Variants in ME3 observed in about 807,000 individuals in gnomAD.
ME3 encodes the protein NADP-dependent malic enzyme, mitochondrial.
A neutral mutation model predicts 68.9 loss-of-function variants in ME3; 48 were observed. The observed-to-expected ratio is 0.70, with a 90% confidence interval of 0.55 to 0.89. The LOEUF (loss-of-function observed/expected upper bound fraction) is 0.89, where lower values mean the gene tolerates loss of function less well. Ranked by LOEUF, ME3 falls within the 40% of genes least tolerant of loss-of-function variation. The pLI is 0.00. For synonymous variants in ME3, 320 were observed against 318.8 expected (o/e 1.00, Z -0.04); for missense variants, 675 against 797.4 (o/e 0.85, Z 1.85).
chr11:86,512,023 C>T (rs968392629), intron 4 of ME3, among the ~76,000 whole-genome samples: 2 of 152,128 alleles, frequency 1.3e-5, no homozygotes, highest in African/African-American at 4.8e-5. Flanking sequence ...ACCAAATTAT[C>T]CATAAAATCC....
intron 2 of ME3, among the ~76,000 whole-genome samples, chr11:86,605,177 T>C (rs1163977392): frequency 2.0e-5 from 3 of 152,384 alleles, no homozygotes; most frequent in Admixed American, 2.0e-4. Context: ...CATGTATCAG[T>C]ACTTCATTGC....
intron 7 of ME3, among the ~76,000 whole-genome samples, chr11:86,484,293 G>GTGTTTTTTTTTTTTTTTTTTTTTTTT (rs1290775526): frequency 6.6e-6 from 1 of 152,024 alleles, no homozygotes; most frequent in Non-Finnish European, 1.5e-5. Context: ...AATACATTGT[G>GTGTTTTTTTTTTTTTTTTTTTTTTTT]TTTGACTTTG....
intron 2 of ME3, among the ~76,000 whole-genome samples, chr11:86,611,823 C>A (rs1204770706): frequency 6.6e-6 from 1 of 152,102 alleles, no homozygotes; most frequent in Non-Finnish European, 1.5e-5. Context: ...TAATAGCTAC[C>A]ATCTGAAAAA....
intron 2 of ME3, among the ~76,000 whole-genome samples, chr11:86,612,679 T>C (rs1942674095): frequency 1.3e-5 from 2 of 152,264 alleles, no homozygotes; most frequent in Admixed American, 1.3e-4. Flanking sequence ...TTTAGCTTTT[T>C]TTCATATGAT....
chr11:86,545,019 AT>A (rs1956279994), intron 4 of ME3, among the ~76,000 whole-genome samples: 1 of 152,214 alleles, frequency 6.6e-6, no homozygotes, highest in Non-Finnish European at 1.5e-5. Flanking sequence ...CTGGTTCAAC[AT>A]ATGCAAATCA....
At chr11:86,653,951 G>T (rs990291531) in intron 2 of ME3, among the ~76,000 whole-genome samples, 1 of 152,184 alleles carries the variant, frequency 6.6e-6, no homozygotes, top group Non-Finnish European at 1.5e-5. Context: ...ACTGCCATCA[G>T]AGAATACTAT....
At chr11:86,635,807 CTA>C (rs1944299110) in intron 2 of ME3, among the ~76,000 whole-genome samples, 1 of 152,190 alleles carries the variant, frequency 6.6e-6, no homozygotes, top group South Asian at 2.1e-4. Context: ...CTAACACAGC[CTA>C]TGTCATTTCC....
intron 2 of ME3, among the ~76,000 whole-genome samples, chr11:86,648,925 T>C (rs1295285701): frequency 6.6e-6 from 1 of 152,116 alleles, no homozygotes; most frequent in East Asian, 1.9e-4. Context: ...TCTAAAACTA[T>C]TCCAAGCAAC....
intron 2 of ME3, among the ~76,000 whole-genome samples, chr11:86,630,130 A>G (rs1251005903): frequency 6.6e-6 from 1 of 152,136 alleles, no homozygotes; most frequent in African/African-American, 2.4e-5. Flanking sequence ...GTTTTGATCT[A>G]TTTTACATAC....
rs185167517 is a variant in ME3 at position 86,510,572 on chromosome 11, T to A, written c.468-1705A>T. Among the ~76,000 whole-genome samples, 4 of 152,344 alleles carry A rather than the reference T, an allele frequency of 2.6e-5. No homozygotes were observed. In the East Asian group the frequency reaches 7.7e-4, roughly 29 times the overall value. ...CCAGCGTTTCTCACCTTTGGCACTA[T>A]TGACATTTTGGGTTGGATAATTCTT... is the stretch of plus-strand genomic sequence containing the variant. On this transcript the variant is annotated intron_variant, in intron 4 of 14. Transcript: ENST00000543262.
At chr11:86,514,771 T>TATC (rs1953774094) in intron 4 of ME3, among the ~76,000 whole-genome samples, 1 of 152,176 alleles carries the variant, frequency 6.6e-6, no homozygotes, top group East Asian at 1.9e-4. Flanking sequence ...TAAGTCAATG[T>TATC]ATCTTTAAAA....
chr11:86,563,355 A>G (rs900854125), intron 2 of ME3, among the ~76,000 whole-genome samples: 11 of 152,204 alleles, frequency 7.2e-5, no homozygotes, highest in Admixed American at 3.9e-4. Context: ...ACTTTTTGAT[A>G]ATAGCCATTC....
chr11:86,651,534 C>A (rs1203260726), intron 2 of ME3, among the ~76,000 whole-genome samples: 1 of 152,226 alleles, frequency 6.6e-6, no homozygotes, highest in East Asian at 1.9e-4. Context: ...GCTGAGGGTC[C>A]TGACTGTTAG....
chr11:86,460,550 C>A (rs1028995153), intron 8 of ME3, among the ~76,000 whole-genome samples: 2 of 152,188 alleles, frequency 1.3e-5, no homozygotes, highest in South Asian at 4.1e-4. Flanking sequence ...ACCCTAGTCT[C>A]ATTTTCATGT....
At chr11:86,606,748 G>A (rs1439719317) in intron 2 of ME3, among the ~76,000 whole-genome samples, 1 of 152,142 alleles carries the variant, frequency 6.6e-6, no homozygotes, top group Admixed American at 6.5e-5. Context: ...GGAGGGATGT[G>A]GTGTCTTTGG....
intron 7 of ME3, among the ~76,000 whole-genome samples, chr11:86,471,141 CTTTTTTT>C (rs1163128094): frequency 4.8e-4 from 36 of 75,032 alleles, no homozygotes; most frequent in African/African-American, 2.2e-3. Context: ...AGGCCCAGAG[CTTTTTTT>C]TTTTTTTTTT....
intron 2 of ME3, among the ~76,000 whole-genome samples, chr11:86,602,996 C>T (rs1960968423): frequency 6.6e-6 from 1 of 152,074 alleles, no homozygotes; most frequent in African/African-American, 2.4e-5. Context: ...CCATAAAAAC[C>T]CTAGAAGAAA....
At chr11:86,519,432 C>G (rs502749) in intron 4 of ME3, among the ~76,000 whole-genome samples, 38,322 of 152,082 alleles carry the variant, frequency 0.25, 5,357 homozygotes, top group African/African-American at 0.38. Context: ...GTGATTCTTG[C>G]AAATTTCCTA....
chr11:86,524,108 G>A (rs1954546140), intron 4 of ME3, among the ~76,000 whole-genome samples: 1 of 152,168 alleles, frequency 6.6e-6, no homozygotes, highest in Admixed American at 6.6e-5. Context: ...TTTTATGGCT[G>A]TGAACATGGC....
Sources: gnomAD v4.1 joint callset for allele counts (sites outside exome capture counted in the v4.1 genomes callset) on GRCh38, gnomAD v4.1.1 for gene constraint, MANE v1.5 for transcripts, NCBI Gene and HGNC (gene_info 2026-07-23, HGNC 2026-07-21) for gene names.